Variants in F13A1 observed in about 807,000 individuals in gnomAD.
The protein encoded by F13A1 is coagulation factor XIII A chain.
A neutral mutation model predicts 80.1 loss-of-function variants in F13A1; 47 were observed. The ratio of observed to expected loss-of-function variants is 0.59; its 90% CI spans 0.46 to 0.75. The LOEUF (loss-of-function observed/expected upper bound fraction) is 0.75. Among genes scored for constraint, F13A1 ranks in the 30% least tolerant of loss-of-function variants. The pLI, the probability that F13A1 is intolerant of heterozygous loss-of-function variation, is 0.00. For synonymous variants in F13A1, 349 were observed against 344.9 expected, an observed-to-expected ratio of 1.01 and a Z score of -0.13; for missense variants, 817 against 930.4, an observed-to-expected ratio of 0.88 and a Z score of 1.59.
In F13A1 at chr6:6,318,701, A is replaced by AAG. The variant is rs1554106588; in HGVS notation, c.-18-21_-18-20dup. 6.2e-7 allele frequency: 1 copy of AAG among 1,604,254 alleles called. No homozygotes were observed. ...CAAGGTCCTTCAGAAAAAAAAAAAAAAGAAGACAACAGAAAAGGCATGTAA... is the reference window on the plus strand; with the variant it reads ...CAAGGTCCTTCAGAAAAAAAAAAAAAAGAGAAGACAACAGAAAAGGCATGTAA... On this transcript the variant is annotated intron_variant, in intron 1 of 14. Transcript: ENST00000264870.
intron 8 of F13A1, among the ~76,000 whole-genome samples, chr6:6,209,694 A>T (rs752841333): frequency 6.6e-6 from 1 of 152,234 alleles, no homozygotes; most frequent in South Asian, 2.1e-4. Flanking sequence ...GATACATGCT[A>T]CAACACGGAC....
intron 6 of F13A1, among the ~76,000 whole-genome samples, chr6:6,245,819 T>G (rs989778462): frequency 1.3e-5 from 2 of 152,228 alleles, no homozygotes; most frequent in Admixed American, 1.3e-4. Flanking sequence ...CACCTGGGGA[T>G]GAACTGAGAT....
In F13A1 at chr6:6,186,540, C is replaced by T. The variant is rs201959062; in HGVS notation, c.1306-4399G>A. 9.0e-3 allele frequency among the ~76,000 whole-genome samples: 1,367 copies of T among 152,124 alleles called. 15 individuals are homozygous for T. The highest frequency in any genetic ancestry group is 0.039 in the South Asian group (187 of 4,814). On this transcript the variant is annotated intron_variant, in intron 10 of 14. Coordinates refer to ENST00000264870, the MANE Select transcript of F13A1 (RefSeq NM_000129.4). Reference sequence around the variant, plus strand: ...CAAAGATCAGATAGTTGTAGATATGCGGCATTATTTCTGAGGACTCTGTTC... The same window carrying T: ...CAAAGATCAGATAGTTGTAGATATGTGGCATTATTTCTGAGGACTCTGTTC...
intron 13 of F13A1, among the ~76,000 whole-genome samples, chr6:6,157,047 G>A (rs1760490825): frequency 1.3e-5 from 2 of 152,220 alleles, no homozygotes; most frequent in Non-Finnish European, 1.5e-5. Flanking sequence ...AGTAAGTAGG[G>A]TAGGAGAGAT....
At chr6:6,194,027 T>C (rs1386882701) in intron 10 of F13A1, among the ~76,000 whole-genome samples, 1 of 152,236 alleles carries the variant, frequency 6.6e-6, no homozygotes, top group Non-Finnish European at 1.5e-5. Flanking sequence ...ATGTTCGTTT[T>C]GCTTTCTAAA....
At chr6:6,200,946 C>T (rs1029635415) in intron 8 of F13A1, among the ~76,000 whole-genome samples, 3 of 152,132 alleles carry the variant, frequency 2.0e-5, no homozygotes, top group Non-Finnish European at 4.4e-5. Flanking sequence ...AATGACTCTG[C>T]TAGCCTCTCT....
At chr6:6,296,221 C>A (rs1758324581) in intron 3 of F13A1, among the ~76,000 whole-genome samples, 1 of 151,914 alleles carries the variant, frequency 6.6e-6, no homozygotes, top group Non-Finnish European at 1.5e-5. Flanking sequence ...ATTGATTTGG[C>A]AATGCGGGCT....
chr6:6,235,445 A>G (rs1429342745), intron 6 of F13A1, among the ~76,000 whole-genome samples: 1 of 152,084 alleles, frequency 6.6e-6, no homozygotes, highest in African/African-American at 2.4e-5. Context: ...CAATAGTAAG[A>G]AAACAAACAC....
intron 3 of F13A1, among the ~76,000 whole-genome samples, chr6:6,267,069 T>C (rs369820307): frequency 8.5e-5 from 13 of 152,318 alleles, no homozygotes; most frequent in African/African-American, 3.1e-4. Context: ...CAGTGCTCCA[T>C]TGTAACCTCC....
In F13A1 at chr6:6,266,460, T is replaced by C. The variant is rs946225277; in HGVS notation, c.571+98A>G. 14 of 1,583,848 alleles carry C rather than the reference T, an allele frequency of 8.8e-6. No homozygotes were observed. In the Admixed American group the frequency reaches 1.8e-4, roughly 21 times the overall value. ...CTCCTGGCCTCAAGCGATCCTCCCA[T>C]CTTGGCCTCCCAAAGAGCTGGGAGT... On this transcript the variant is annotated intron_variant, in intron 4 of 14. Transcript: ENST00000264870.
intron 3 of F13A1, among the ~76,000 whole-genome samples, chr6:6,278,280 T>C (rs985432032): frequency 6.6e-6 from 1 of 151,942 alleles, no homozygotes; most frequent in Non-Finnish European, 1.5e-5. Context: ...CGGAGACAAG[T>C]GCTATGAAAA....
Position 6,305,402 on chromosome 6 carries a change from T to C in F13A1, c.268A>G (p.Ser90Gly), listed in dbSNP as rs956116816. The change falls in exon 3 of 15, where the codon AGT becomes GGT. Residue 90 changes from serine (S) to glycine (G), a missense_variant. Ser to Gly is a moderately conservative substitution (Grantham distance 56). Coordinates refer to ENST00000264870, the MANE Select transcript of F13A1 (RefSeq NM_000129.4). The part of the protein sequence containing the change: ...GQSFYVQIDF[S>G]RPYDPRRDLF... ...TCCCTTCTGGGGTCATATGGACGAC[T>C]GAAGTCAATCTGCACATAGAAAGAC... 4 of 1,614,140 alleles carry C rather than the reference T, an allele frequency of 2.5e-6. No homozygotes were observed. In the African/African-American group the frequency reaches 5.3e-5, roughly 22 times the overall value.
intron 10 of F13A1, among the ~76,000 whole-genome samples, chr6:6,188,951 T>C (rs973917311): frequency 1.6e-5 from 1 of 62,510 alleles, no homozygotes; most frequent in Non-Finnish European, 2.7e-5. Context: ...CTCTTCTTGT[T>C]GAATTGATCC....
intron 3 of F13A1, among the ~76,000 whole-genome samples, chr6:6,293,775 GAGA>G (rs1758268522): frequency 9.0e-6 from 1 of 111,104 alleles, no homozygotes. Context: ...TGGAGGGAGT[GAGA>G]GAGAGAGGGA....
intron 4 of F13A1, among the ~76,000 whole-genome samples, chr6:6,264,274 C>T (rs938930634): frequency 6.6e-6 from 1 of 152,156 alleles, no homozygotes; most frequent in African/African-American, 2.4e-5. Flanking sequence ...ATGATATAAT[C>T]CAGAAAAGTT....
rs771763854 is a variant in F13A1, at chr6:6,266,782, G to A, written c.347C>T (p.Thr116Ile). 6.2e-7 allele frequency: 1 copy of A among 1,614,184 alleles called. No homozygotes were observed. The highest frequency in any genetic ancestry group is 1.1e-5 in the South Asian group (1 of 91,078). The change falls in exon 4 of 15, where the codon ACC (threonine) becomes ATC (isoleucine). Residue 116 changes from threonine (T) to isoleucine (I), a missense_variant. Transcript: ENST00000264870. ...TGAGACTATAGGCACTGGGATGTAGGTTCCCTTGTTCTCCTGTGGGTAGCG... is the reference window on the plus strand; with the variant it reads ...TGAGACTATAGGCACTGGGATGTAGATTCCCTTGTTCTCCTGTGGGTAGCG... ...IGRYPQENKG[T>I]YIPVPIVSEL...
At chr6:6,182,788 C>T (rs1008702206) in intron 10 of F13A1, among the ~76,000 whole-genome samples, 2 of 152,160 alleles carry the variant, frequency 1.3e-5, no homozygotes, top group Admixed American at 6.5e-5. Context: ...GCTAAGCCCG[C>T]ATCAGGACCA....
chr6:6,312,441 G>C (rs76836221), intron 2 of F13A1, among the ~76,000 whole-genome samples: 1 of 111,486 alleles, frequency 9.0e-6, no homozygotes, highest in South Asian at 3.3e-4. Flanking sequence ...GAAGGCTGAG[G>C]GGGGCGGATC....
chr6:6,205,299 A>G (rs1238032573), intron 8 of F13A1, among the ~76,000 whole-genome samples: 1 of 152,230 alleles, frequency 6.6e-6, no homozygotes, highest in Non-Finnish European at 1.5e-5. Context: ...CCATTAAACT[A>G]TGAGGTGTAT....
Sources: allele counts gnomAD v4.1 joint callset (sites outside exome capture counted in the v4.1 genomes callset), GRCh38; gene constraint gnomAD v4.1.1; transcripts MANE v1.5; gene names NCBI Gene and HGNC (gene_info 2026-07-23, HGNC 2026-07-21).